The following RASA3 variants were observed in gnomAD, a reference collection of about 807,000 sequenced individuals.
RASA3 encodes the protein RAS p21 protein activator 3.
A neutral mutation model predicts 110.0 loss-of-function variants in RASA3; 73 were observed. That is an observed-to-expected ratio of 0.66 (90% CI 0.55 to 0.81). RASA3 has a LOEUF of 0.81. Ranked by LOEUF, RASA3 falls within the 30% of genes least tolerant of loss-of-function variation. The pLI is 0.00. For missense variants in RASA3, 976 were observed against 1,113.2 expected, an observed-to-expected ratio of 0.88 and a Z score of 1.75; for synonymous variants, 500 against 451.4, an observed-to-expected ratio of 1.11 and a Z score of -1.37.
chr13:114,032,983 C>T (rs1265936856), intron 4 of RASA3, among the ~76,000 whole-genome samples: 1 of 122,054 alleles, frequency 8.2e-6, no homozygotes, highest in Non-Finnish European at 1.7e-5. Context: ...CAAAGCACCC[C>T]CACACTTGAT....
intron 13 of RASA3, 54 bp from the exon 14 acceptor site, chr13:114,015,386 G>A (rs2053767394): frequency 6.2e-7 from 1 of 1,601,234 alleles, no homozygotes; most frequent in Non-Finnish European, 8.5e-7. Flanking sequence ...ACAGGTGCGT[G>A]TAGCACCAGG....
chr13:114,073,816 G>C lies in RASA3; in HGVS notation c.77C>G (p.Ser26Cys). The stretch of plus-strand genomic sequence containing the variant: ...CCTCATCTTGCTCGGCCCCGGGTAA[G>C]AGGGAAGGTTTTTGGCTTCACCTAA... ...IKIGEAKNLP[S>C]YPGPSKMRDC... Residue 26 changes from serine (S) to cysteine (C), a missense_variant, in exon 2 of 24, where the codon TCT (serine) becomes TGT (cysteine). Around this residue, in one of 4 missense-constraint regions of RASA3, gnomAD observed 732 missense variants for 779.7 expected, o/e 0.94. Coordinates refer to ENST00000334062, the MANE Select transcript of RASA3 (RefSeq NM_007368.4). The C allele has an allele frequency of 6.2e-7, 1 of 1,614,222 alleles. No individual in the cohort carries two copies. The highest frequency in any genetic ancestry group is 8.5e-7 in the Non-Finnish European group (1 of 1,180,030).
chr13:114,053,839 G>T lies in RASA3; in HGVS notation c.174-1684C>A, dbSNP rs533384776. 4.1e-4 allele frequency among the ~76,000 whole-genome samples: 63 copies of T among 152,372 alleles called. 2 individuals are homozygous for T. Among genetic ancestry groups the T allele is most frequent in the African/African-American group, 1.5e-3 (62 of 41,590 alleles). On this transcript the variant is annotated intron_variant, in intron 2 of 23. Coordinates refer to ENST00000334062, the MANE Select transcript of RASA3 (RefSeq NM_007368.4). ...GCATTAAAAGCATTATTTAAAAAGT[G>T]AAAAGGGCCAGTGCTGTGGCTCACG...
intron 1 of RASA3, among the ~76,000 whole-genome samples, chr13:114,082,404 T>C (rs546403954): frequency 2.0e-5 from 3 of 152,360 alleles, no homozygotes; most frequent in African/African-American, 7.2e-5. Flanking sequence ...TAGTCTCTTA[T>C]AACGGGCAGT....
chr13:114,039,513 G>A (rs2054352433), intron 4 of RASA3, among the ~76,000 whole-genome samples: 1 of 152,158 alleles, frequency 6.6e-6, no homozygotes, highest in Admixed American at 6.5e-5. Context: ...CCTACACTCA[G>A]ACACTTACTG....
rs193036482 is a variant in RASA3 at position 114,128,390 on chromosome 13, G to A, written c.55+4045C>T. ...CTGTGACCAGCGGCCTCCACCTCCCGTGAGGGAGTCCATCAGGCTGAGAGT... is the reference window on the plus strand; with the variant it reads ...CTGTGACCAGCGGCCTCCACCTCCCATGAGGGAGTCCATCAGGCTGAGAGT... On this transcript the variant is annotated intron_variant, in intron 1 of 23. Transcript: ENST00000334062. 3.2e-3 allele frequency among the ~76,000 whole-genome samples: 484 copies of A among 152,340 alleles called. 9 individuals are homozygous for A. Among genetic ancestry groups the A allele is most frequent in the East Asian group, 3.3e-3 (17 of 5,180 alleles).
At chr13:114,050,144 A>G (rs2079121094) in intron 3 of RASA3, among the ~76,000 whole-genome samples, 2 of 152,218 alleles carry the variant, frequency 1.3e-5, no homozygotes, top group Admixed American at 6.5e-5. Context: ...CTTGAACGCG[A>G]CATAAAGCTA....
At chr13:114,032,670 A>G (rs1184517454) in intron 4 of RASA3, among the ~76,000 whole-genome samples, 1 of 125,370 alleles carries the variant, frequency 8.0e-6, no homozygotes, top group Non-Finnish European at 1.7e-5. Context: ...CACACTTGGC[A>G]CCACGTTCCA....
intron 19 of RASA3, 96 bp from the exon 20 acceptor site, chr13:113,999,763 G>T: frequency 2.6e-6 from 2 of 770,486 alleles, no homozygotes; most frequent in Non-Finnish European, 2.1e-6. Context: ...GTCTCCCAGG[G>T]GGTCTTTACC....
rs1443665751 is a variant in RASA3 at position 114,102,373 on chromosome 13, G to A, written c.56-28536C>T. ...GTGCTGGGGGAGAGCGAGAGTGAAGGAGGAAGAGAGACGGAGACAGAGAGA... is the reference window on the plus strand; with the variant it reads ...GTGCTGGGGGAGAGCGAGAGTGAAGAAGGAAGAGAGACGGAGACAGAGAGA... On this transcript the variant is annotated intron_variant, in intron 1 of 23. Transcript: ENST00000334062. Among the ~76,000 whole-genome samples the A allele has an allele frequency of 5.3e-5, 8 of 152,070 alleles. No homozygotes were observed. In the East Asian group the frequency reaches 1.5e-3, roughly 29 times the overall value.
chr13:114,024,393 T>C (rs773008052), intron 7 of RASA3, 38 bp from the exon 8 acceptor site: 6 of 1,583,440 alleles, frequency 3.8e-6, no homozygotes. Flanking sequence ...GAGACCGCGG[T>C]GCCACCAGGC....
At chr13:114,041,404 G>A (rs1316304967) in intron 3 of RASA3, among the ~76,000 whole-genome samples, 2 of 152,246 alleles carry the variant, frequency 1.3e-5, no homozygotes, top group African/African-American at 4.8e-5. Context: ...CAGGTGCAGC[G>A]GTAAGTCTCC....
chr13:114,030,318 G>A (rs1291648263), intron 4 of RASA3, among the ~76,000 whole-genome samples: 1 of 151,182 alleles, frequency 6.6e-6, no homozygotes, highest in Non-Finnish European at 1.5e-5. Flanking sequence ...GGGCGAGGCC[G>A]GATGGAGGCC....
Position 114,057,247 on chromosome 13 carries a change from G to GTCA in RASA3, c.174-5095_174-5093dup, listed in dbSNP as rs1441779008. 1.0e-6 allele frequency: 1 copy of GTCA among 985,250 alleles called. No individual in the cohort carries two copies. Among genetic ancestry groups the GTCA allele is most frequent in the Non-Finnish European group, 1.2e-6 (1 of 829,928 alleles). 61.0% of individuals were successfully genotyped at this position (985,250 alleles called of 1,614,324 possible). On this transcript the variant is annotated intron_variant, in intron 2 of 23. Transcript: ENST00000334062. The surrounding 1 kb of genome is among the most constrained non-coding windows in gnomAD (Gnocchi z 5.0). ...TTATTACTAACTTTGTTTCCTGCGG[G>GTCA]TCACCTCAAGTCTTTCAGGAAACCA...
intron 1 of RASA3, among the ~76,000 whole-genome samples, chr13:114,080,988 C>T (rs1394042257): frequency 1.1e-4 from 17 of 150,098 alleles, no homozygotes; most frequent in African/African-American, 3.7e-4. Flanking sequence ...GAGTGCCCCT[C>T]GGCAGAGGGC....
intron 2 of RASA3, among the ~76,000 whole-genome samples, chr13:114,066,573 T>C (rs1384919566): frequency 6.6e-6 from 1 of 152,230 alleles, no homozygotes; most frequent in East Asian, 1.9e-4. Context: ...AGGCGGCCGA[T>C]GAGTCCCTTC....
intron 18 of RASA3, among the ~76,000 whole-genome samples, chr13:114,004,425 C>T (rs900168458): frequency 1.3e-5 from 2 of 151,904 alleles, no homozygotes; most frequent in African/African-American, 2.4e-5. Context: ...GGGGGATAGA[C>T]GTTTTTCAGA....
rs572470877 is a variant in RASA3, at chr13:113,992,205, A to G, written c.2245+280T>C. On this transcript the variant is annotated intron_variant, in intron 22 of 23. Transcript: ENST00000334062. ...TCCCTCTGGAAAACAAAGGAATGAAAAAATAGGTCCTCTAAAGAAACTTGG... is the reference window on the plus strand; with the variant it reads ...TCCCTCTGGAAAACAAAGGAATGAAGAAATAGGTCCTCTAAAGAAACTTGG... Among the ~76,000 whole-genome samples, 3 of 152,396 alleles carry G rather than the reference A, an allele frequency of 2.0e-5. No homozygotes were observed. The East Asian group carries it at 5.8e-4, about 29-fold the overall frequency.
At chr13:114,020,769 C>T (rs757108762) in intron 9 of RASA3, among the ~76,000 whole-genome samples, 2 of 152,188 alleles carry the variant, frequency 1.3e-5, no homozygotes, top group South Asian at 2.1e-4. Context: ...GGGTCAGAGC[C>T]GACCACTGAG....
Sources: allele counts gnomAD v4.1 joint callset (sites outside exome capture counted in the v4.1 genomes callset), GRCh38; gene constraint gnomAD v4.1.1; regional missense constraint gnomAD v4.1.1; non-coding constraint Gnocchi (gnomAD v3.1); transcripts MANE v1.5; gene names NCBI Gene and HGNC (gene_info 2026-07-23, HGNC 2026-07-21).